The following ARHGAP12 variants were observed in gnomAD, a reference collection of about 807,000 sequenced individuals.
ARHGAP12 encodes the protein Rho GTPase activating protein 12, also known as rho GTPase-activating protein 12.
A neutral mutation model predicts 108.6 loss-of-function variants in ARHGAP12; 64 were observed. That is an observed-to-expected ratio of 0.59 (90% CI 0.48 to 0.73). The LOEUF (loss-of-function observed/expected upper bound fraction) is 0.73, where lower values mean the gene tolerates loss of function less well. Among genes scored for constraint, ARHGAP12 ranks in the 30% least tolerant of loss-of-function variants. The pLI is 0.00. For synonymous variants in ARHGAP12, 312 were observed against 337.2 expected (o/e 0.93, Z 0.82); for missense variants, 940 against 1,005.9 (o/e 0.93, Z 0.89).
intron 3 of ARHGAP12, among the ~76,000 whole-genome samples, chr10:31,907,179 C>T (rs1447907648): frequency 6.6e-6 from 1 of 152,154 alleles, no homozygotes; most frequent in Non-Finnish European, 1.5e-5. Flanking sequence ...TACAACAGAA[C>T]TTCAAGCCAA....
At chr10:31,830,512 A>G (rs1034611672) in intron 10 of ARHGAP12, among the ~76,000 whole-genome samples, 4 of 152,174 alleles carry the variant, frequency 2.6e-5, no homozygotes, top group Non-Finnish European at 5.9e-5. Context: ...GAATTCTACC[A>G]AAGAACAGTT....
At chr10:31,870,541 T>A (rs1041599277) in intron 3 of ARHGAP12, among the ~76,000 whole-genome samples, 2 of 152,162 alleles carry the variant, frequency 1.3e-5, no homozygotes, top group African/African-American at 2.4e-5. Context: ...AATTTTTATA[T>A]AATAATAAAT....
At chr10:31,920,897 A>G (rs559307461) in intron 1 of ARHGAP12, among the ~76,000 whole-genome samples, 11 of 152,350 alleles carry the variant, frequency 7.2e-5, no homozygotes, top group African/African-American at 9.6e-5. Flanking sequence ...ATAAAATTAA[A>G]TTAGAAACTC....
chr10:31,832,305 C>A (rs1835862967), intron 9 of ARHGAP12, among the ~76,000 whole-genome samples: 1 of 152,128 alleles, frequency 6.6e-6, no homozygotes, highest in African/African-American at 2.4e-5. Context: ...GTATCATGTA[C>A]AGAACTTGCC....
intron 3 of ARHGAP12, among the ~76,000 whole-genome samples, chr10:31,877,943 G>A (rs1234323612): frequency 6.6e-6 from 1 of 152,132 alleles, no homozygotes; most frequent in Non-Finnish European, 1.5e-5. Context: ...AATTAACTGG[G>A]TGTGGTGACA....
intron 3 of ARHGAP12, among the ~76,000 whole-genome samples, chr10:31,893,092 T>C (rs1838523798): frequency 1.3e-5 from 2 of 152,156 alleles, no homozygotes; most frequent in African/African-American, 2.4e-5. Context: ...CTGGGACACA[T>C]TTAAAGCAGT....
intron 1 of ARHGAP12, among the ~76,000 whole-genome samples, chr10:31,925,658 C>T (rs945312002): frequency 6.6e-6 from 1 of 152,186 alleles, no homozygotes; most frequent in Non-Finnish European, 1.5e-5. Flanking sequence ...ATTCTAACAA[C>T]AACCGGTATG....
chr10:31,853,719 G>A (rs1322415345), intron 5 of ARHGAP12, among the ~76,000 whole-genome samples: 1 of 152,138 alleles, frequency 6.6e-6, no homozygotes, highest in Non-Finnish European at 1.5e-5. Flanking sequence ...GCAGTGAGGC[G>A]ATGTATGATA....
intron 3 of ARHGAP12, among the ~76,000 whole-genome samples, chr10:31,895,099 C>A (rs1252625785): frequency 6.6e-6 from 1 of 152,176 alleles, no homozygotes; most frequent in Non-Finnish European, 1.5e-5. Flanking sequence ...AAAATTAATT[C>A]AAGATGGATT....
At chr10:31,816,525 G>A (rs930881317) in intron 13 of ARHGAP12, among the ~76,000 whole-genome samples, 6 of 152,238 alleles carry the variant, frequency 3.9e-5, no homozygotes, top group Middle Eastern at 6.8e-3. Flanking sequence ...TTTGTTAAAT[G>A]AATGCATGCA....
chr10:31,919,988 C>T (rs1047421932), intron 1 of ARHGAP12, among the ~76,000 whole-genome samples: 3 of 150,944 alleles, frequency 2.0e-5, no homozygotes, highest in African/African-American at 7.3e-5. Context: ...TGGTGGCATG[C>T]CTGTAATCCC....
intron 3 of ARHGAP12, among the ~76,000 whole-genome samples, chr10:31,901,441 A>G (rs947332577): frequency 6.8e-6 from 1 of 146,958 alleles, no homozygotes; most frequent in Admixed American, 7.0e-5. Flanking sequence ...CTGAGACAGG[A>G]GGATCACGTG....
chr10:31,904,705 C>A (rs1189620542), intron 3 of ARHGAP12, among the ~76,000 whole-genome samples: 1 of 152,160 alleles, frequency 6.6e-6, no homozygotes, highest in Non-Finnish European at 1.5e-5. Context: ...CGGGTCACTG[C>A]AACCTCTGCC....
At chr10:31,897,218 C>T (rs528904846) in intron 3 of ARHGAP12, among the ~76,000 whole-genome samples, 10 of 152,194 alleles carry the variant, frequency 6.6e-5, no homozygotes, top group Non-Finnish European at 1.0e-4. Flanking sequence ...GACTTACTTC[C>T]TAGACTTACA....
rs1161022376 is a variant in ARHGAP12 at position 31,908,523 on chromosome 10, A to C, written c.333T>G (p.Pro111=). ...QRSTENVNKL[P]ELSSFGKPSS... Reference sequence around the variant, plus strand: ...ATGGCTTTCCGAAACTTGAAAGCTCAGGCAATTTGTTCACATTTTCTGTTG... The same window carrying C: ...ATGGCTTTCCGAAACTTGAAAGCTCCGGCAATTTGTTCACATTTTCTGTTG... The change falls in exon 3 of 20, where the codon CCT becomes CCG. Residue 111 remains proline, a synonymous_variant. Transcript: ENST00000344936. 1.9e-6 allele frequency: 3 copies of C among 1,614,238 alleles called. No individual in the cohort carries two copies. The East Asian group carries it at 6.7e-5, about 36-fold the overall frequency.
At chr10:31,853,020 G>A (rs966108191) in intron 5 of ARHGAP12, among the ~76,000 whole-genome samples, 2 of 152,094 alleles carry the variant, frequency 1.3e-5, no homozygotes, top group African/African-American at 4.8e-5. Flanking sequence ...CAGCCACGGC[G>A]CCCGGCCGGC....
intron 3 of ARHGAP12, among the ~76,000 whole-genome samples, chr10:31,903,403 G>A (rs2132440079): frequency 6.6e-6 from 1 of 152,302 alleles, no homozygotes; most frequent in Middle Eastern, 3.4e-3. Flanking sequence ...ATTATGCGGT[G>A]CATGACTGTA....
Position 31,817,738 on chromosome 10 carries a change from AAAAG to A in ARHGAP12, c.1731+46_1731+49del, listed in dbSNP as rs758813684. 9 of 1,316,704 alleles carry A rather than the reference AAAAG, an allele frequency of 6.8e-6. No homozygotes were observed. In the African/African-American group the frequency reaches 9.2e-5, roughly 13 times the overall value. The allele number at this position is 1,316,704 out of a possible 1,614,324, so 81.6% of individuals were successfully genotyped here. Reference sequence around the variant, plus strand: ...ATATCCAATAAGCAATTAAAAAAAAAAAAGAAAAACAGCTCTGAAGTAAAAATTT... The same window carrying A: ...ATATCCAATAAGCAATTAAAAAAAAAAAAAACAGCTCTGAAGTAAAAATTT... On this transcript the variant is annotated intron_variant, in intron 13 of 19. Transcript: ENST00000344936.
intron 6 of ARHGAP12, among the ~76,000 whole-genome samples, chr10:31,847,757 T>C (rs1014190595): frequency 6.6e-6 from 1 of 152,090 alleles, no homozygotes; most frequent in Non-Finnish European, 1.5e-5. Flanking sequence ...ACAGTCTCCA[T>C]AGTGCCCAGG....
Sources: allele counts gnomAD v4.1 joint callset (sites outside exome capture counted in the v4.1 genomes callset), GRCh38; gene constraint gnomAD v4.1.1; transcripts MANE v1.5; gene names NCBI Gene and HGNC (gene_info 2026-07-23, HGNC 2026-07-21).